PRKN: variants seen among roughly 807,000 people sequenced by gnomAD.
PRKN encodes the protein parkin RBR E3 ubiquitin protein ligase, also known as E3 ubiquitin-protein ligase parkin.
Under a neutral mutation model 59.5 loss-of-function variants are expected in PRKN, and 56 were observed. The observed-to-expected ratio is 0.94, with a 90% CI of 0.76 to 1.18. The LOEUF is 1.18. Ranked by LOEUF, PRKN falls within the 50% of genes most tolerant of loss-of-function variation. The pLI, the probability that PRKN is intolerant of heterozygous loss-of-function variation, is 0.00. For missense variants in PRKN, 657 were observed against 596.4 expected, an observed-to-expected ratio of 1.10 and a Z score of -1.06; for synonymous variants, 250 against 222.1, an observed-to-expected ratio of 1.13 and a Z score of -1.12.
intron 2 of PRKN, among the ~76,000 whole-genome samples, chr6:162,290,981 C>T (rs1781402401): frequency 1.3e-5 from 2 of 152,152 alleles, no homozygotes; most frequent in Admixed American, 6.5e-5. Flanking sequence ...TAAATATGTT[C>T]TCCGAAGTTC....
chr6:161,540,189 C>T (rs1285030754), intron 9 of PRKN, among the ~76,000 whole-genome samples: 2 of 152,154 alleles, frequency 1.3e-5, no homozygotes, highest in African/African-American at 2.4e-5. Context: ...ACACAATCTA[C>T]ATGTCATTTT....
intron 9 of PRKN, among the ~76,000 whole-genome samples, chr6:161,504,037 A>G (rs1778056811): frequency 6.6e-6 from 1 of 152,202 alleles, no homozygotes; most frequent in Non-Finnish European, 1.5e-5. Context: ...TCCTTGTTAC[A>G]TGAGGAAAGG....
chr6:162,715,692 C>T (rs1387742483), intron 1 of PRKN, among the ~76,000 whole-genome samples: 5 of 152,126 alleles, frequency 3.3e-5, no homozygotes, highest in Admixed American at 3.3e-4. Flanking sequence ...CAGAGCAAAA[C>T]CTGAATTCTC....
intron 2 of PRKN, among the ~76,000 whole-genome samples, chr6:162,281,208 T>C (rs936654902): frequency 4.0e-5 from 6 of 151,860 alleles, no homozygotes; most frequent in African/African-American, 1.5e-4. Flanking sequence ...TAGGTGGGAA[T>C]TGAACAATGA....
At chr6:161,476,996 A>C (rs1308514657) in intron 9 of PRKN, among the ~76,000 whole-genome samples, 1 of 152,200 alleles carries the variant, frequency 6.6e-6, no homozygotes, top group East Asian at 1.9e-4. Context: ...GCAGGCACGG[A>C]AGTGCGCATG....
intron 2 of PRKN, among the ~76,000 whole-genome samples, chr6:162,355,694 A>G (rs972581478): frequency 8.7e-5 from 13 of 150,160 alleles, no homozygotes; most frequent in African/African-American, 2.9e-4. Flanking sequence ...CAAACTGGGT[A>G]TTTCCTTTTG....
chr6:162,236,001 G>GAAAGAAAGAA (rs1562602654), intron 3 of PRKN, among the ~76,000 whole-genome samples: 15 of 121,278 alleles, frequency 1.2e-4, no homozygotes, highest in African/African-American at 5.1e-4. Flanking sequence ...AAGAAAGAAA[G>GAAAGAAAGAA]AAAGAAAGAA....
At chr6:162,727,339 A>AGGTGAGGGGCGGCGGCGGGGCGCC in intron 1 of PRKN, 1 of 378,770 alleles carries the variant, frequency 2.6e-6, no homozygotes, top group Non-Finnish European at 4.7e-6. Context: ...GGCGGGGAGA[A>AGGTGAGGGGCGGCGGCGGGGCGCC]GGCTTCGGGA....
intron 4 of PRKN, among the ~76,000 whole-genome samples, chr6:162,164,704 A>T (rs1782904520): frequency 6.7e-6 from 1 of 149,074 alleles, no homozygotes; most frequent in Admixed American, 6.7e-5. Flanking sequence ...TGAGTTACAG[A>T]ACAATATCAG....
chr6:161,694,132 A>G (rs1391993955), intron 7 of PRKN, among the ~76,000 whole-genome samples: 1 of 152,246 alleles, frequency 6.6e-6, no homozygotes, highest in Non-Finnish European at 1.5e-5. Context: ...GCATTTAACA[A>G]CAACACAACA....
At position 161,470,028 on chromosome 6, in the gene PRKN, A is replaced by T. The variant is rs979046433; in HGVS notation, c.1083+78826T>A. Among the ~76,000 whole-genome samples the T allele has an allele frequency of 1.3e-5, 2 of 152,190 alleles. No individual in the cohort carries two copies. Among genetic ancestry groups the T allele is most frequent in the Non-Finnish European group, 2.9e-5 (2 of 68,030 alleles). ...TTGCTAGGCTGAACATCCAACATAC[A>T]TAGTTTCCTTCAATTCACCAAGGTA... On this transcript the variant is annotated intron_variant, in intron 9 of 11. Coordinates refer to ENST00000366898, the MANE Select transcript of PRKN (RefSeq NM_004562.3). This position sits in a 1 kb window ranked among gnomAD's most constrained non-coding sequence, Gnocchi z 5.1.
chr6:162,528,571 T>C (rs1440766570), intron 1 of PRKN, among the ~76,000 whole-genome samples: 1 of 152,168 alleles, frequency 6.6e-6, no homozygotes, highest in Non-Finnish European at 1.5e-5. Context: ...TAAAGTATCA[T>C]GTACGCAACA....
chr6:162,378,466 C>T (rs981993183), intron 2 of PRKN, among the ~76,000 whole-genome samples: 3 of 152,216 alleles, frequency 2.0e-5, no homozygotes, highest in African/African-American at 4.8e-5. Flanking sequence ...CACAGGCCAA[C>T]GGATGTTTCT....
chr6:161,369,903 C>T lies in PRKN; in HGVS notation c.1168-9698G>A. The T allele has an allele frequency of 2.7e-6, 1 of 367,158 alleles. No individual in the cohort carries two copies. The highest frequency in any genetic ancestry group is 6.1e-6 in the Non-Finnish European group (1 of 165,112). The allele number at this position is 367,158 out of a possible 1,614,324, so 22.7% of individuals were successfully genotyped here. ...TAAAGGCATGATCGTCCATCTGTGG[C>T]TCAAGAGGAATAACCTCACAAGGGT... On this transcript the variant is annotated intron_variant, in intron 10 of 11. Transcript: ENST00000366898. This position sits in a 1 kb window ranked among gnomAD's most constrained non-coding sequence, Gnocchi z 5.8.
chr6:162,410,130 T>C (rs955253019), intron 2 of PRKN, among the ~76,000 whole-genome samples: 1 of 152,200 alleles, frequency 6.6e-6, no homozygotes, highest in Admixed American at 6.5e-5. Context: ...GATCTGTGAA[T>C]GCCTGGTTCC....
chr6:161,660,757 T>C (rs1478341167), intron 7 of PRKN, among the ~76,000 whole-genome samples: 1 of 152,190 alleles, frequency 6.6e-6, no homozygotes, highest in Non-Finnish European at 1.5e-5. Flanking sequence ...CACATGTCCT[T>C]CCCGATCTCA....
intron 2 of PRKN, among the ~76,000 whole-genome samples, chr6:162,436,969 G>A (rs1789803297): frequency 6.6e-6 from 1 of 152,076 alleles, no homozygotes. Flanking sequence ...GCGGGCGCCT[G>A]TAATCCCAGC....
At chr6:161,874,115 TATAATATATAATATATATTATATGTAAA>T in intron 6 of PRKN, among the ~76,000 whole-genome samples, 1 of 61,506 alleles carries the variant, frequency 1.6e-5, no homozygotes, top group Non-Finnish European at 2.7e-5. Flanking sequence ...ATATGTAAAA[TATAATATATAATATATATTATATGTAAA>T]ATATAATATA....
chr6:161,890,072 C>T (rs1422383923), intron 6 of PRKN, among the ~76,000 whole-genome samples: 2 of 152,154 alleles, frequency 1.3e-5, no homozygotes, highest in Admixed American at 1.3e-4. Flanking sequence ...AGCTCTCCAG[C>T]TCCCAACTTC....
Sources: allele counts gnomAD v4.1 joint callset (sites outside exome capture counted in the v4.1 genomes callset), GRCh38; gene constraint gnomAD v4.1.1; non-coding constraint Gnocchi (gnomAD v3.1); transcripts MANE v1.5; gene names NCBI Gene and HGNC (gene_info 2026-07-23, HGNC 2026-07-21).